The following TSNARE1 variants were observed in gnomAD, a reference collection of about 807,000 sequenced individuals.
The protein encoded by TSNARE1 is t-SNARE domain containing 1.
TSNARE1 carries 49 observed loss-of-function variants against 62.0 expected under a neutral mutation model. The ratio of observed to expected loss-of-function variants is 0.79; its 90% CI spans 0.63 to 1.00. TSNARE1 has a LOEUF of 1.00. TSNARE1 is among the 50% of genes least tolerant of loss of function. The probability of loss-of-function intolerance (pLI) is 0.00; values close to 1 mark genes in which losing one functional copy is unlikely to be tolerated. For missense variants in TSNARE1, 755 were observed against 700.1 expected (o/e 1.08, Z -0.88); for synonymous variants, 328 against 294.4 (o/e 1.11, Z -1.17).
intron 13 of TSNARE1, among the ~76,000 whole-genome samples, chr8:142,228,997 G>A (rs1816963139): frequency 6.6e-6 from 1 of 151,856 alleles, no homozygotes; most frequent in African/African-American, 2.4e-5. Flanking sequence ...GACAGATGGT[G>A]GATAGATGGG....
chr8:142,246,028 G>A (rs73716172), intron 12 of TSNARE1, among the ~76,000 whole-genome samples: 2,149 of 152,218 alleles, frequency 0.014, 48 homozygotes, highest in African/African-American at 0.048. Flanking sequence ...TGCTAATTCC[G>A]CAATTCCAAT....
At chr8:142,318,777 G>A (rs1390942108) in intron 6 of TSNARE1, 143 bp from the exon 7 acceptor site, 14 of 697,488 alleles carry the variant, frequency 2.0e-5, no homozygotes, top group Admixed American at 4.8e-5. Flanking sequence ...AGAGAGGGCC[G>A]AGAGACACAC....
chr8:142,263,192 T>C (rs1354731549), intron 12 of TSNARE1, among the ~76,000 whole-genome samples: 2 of 152,254 alleles, frequency 1.3e-5, no homozygotes, highest in Non-Finnish European at 2.9e-5. Context: ...ATTCTTGCCT[T>C]TCTATTTTGA....
intron 13 of TSNARE1, among the ~76,000 whole-genome samples, chr8:142,222,033 TCATC>T (rs1391023634): frequency 2.0e-5 from 3 of 147,426 alleles, no homozygotes; most frequent in African/African-American, 2.5e-5. Context: ...ATCCACTCAC[TCATC>T]CACTCATCCA....
At chr8:142,295,993 T>C (rs1586624627) in intron 10 of TSNARE1, among the ~76,000 whole-genome samples, 1 of 67,664 alleles carries the variant, frequency 1.5e-5, no homozygotes, top group Non-Finnish European at 2.8e-5. Flanking sequence ...GCCACTGTCA[T>C]GGGAGGGGGG....
chr8:142,212,699 G>A (rs375061740), intron 13 of TSNARE1, among the ~76,000 whole-genome samples: 58 of 151,768 alleles, frequency 3.8e-4, no homozygotes, highest in Non-Finnish European at 7.2e-4. Context: ...CGCACCCACC[G>A]GCCCTCCCTC....
chr8:142,371,686 G>A (rs924369266), intron 1 of TSNARE1, among the ~76,000 whole-genome samples: 4 of 152,072 alleles, frequency 2.6e-5, no homozygotes, highest in African/African-American at 9.7e-5. Flanking sequence ...GGTTCCAGGG[G>A]TGGATACACC....
intron 12 of TSNARE1, among the ~76,000 whole-genome samples, chr8:142,267,633 C>G (rs1819204672): frequency 6.6e-6 from 1 of 152,182 alleles, no homozygotes; most frequent in Non-Finnish European, 1.5e-5. Flanking sequence ...GACCCGGGCT[C>G]TCTAGCTCTG....
chr8:142,226,444 G>C lies in TSNARE1; in HGVS notation c.*11+3029C>G, dbSNP rs115246683. Among the ~76,000 whole-genome samples, 1,425 of 152,288 alleles carry C rather than the reference G, an allele frequency of 9.4e-3. 23 individuals are homozygous for C. The highest frequency in any genetic ancestry group is 0.032 in the African/African-American group (1,321 of 41,560). ...CCCACCTCTCAGCCCACGCTGTCCT[G>C]CTTGCGTCTGCCCCTATTGCTTGTT... On this transcript the variant is annotated intron_variant, in intron 13 of 13. Coordinates refer to ENST00000524325, the MANE Select transcript of TSNARE1 (RefSeq NM_145003.5).
At chr8:142,338,584 G>GCTGACAGGCTGCCTCGACCACTGGGCAAA (rs1832104745) in intron 4 of TSNARE1, among the ~76,000 whole-genome samples, 1 of 151,790 alleles carries the variant, frequency 6.6e-6, no homozygotes, top group East Asian at 1.9e-4. Context: ...CACTGGGCAA[G>GCTGACAGGCTGCCTCGACCACTGGGCAAA]CTGACAGGCT....
chr8:142,215,928 G>A (rs574836530), intron 13 of TSNARE1, among the ~76,000 whole-genome samples: 6 of 152,318 alleles, frequency 3.9e-5, no homozygotes, highest in East Asian at 3.9e-4. Context: ...CATGGAATTC[G>A]GGGTGAGGCC....
At position 142,384,031 on chromosome 8, in the gene TSNARE1, CAT is replaced by C. The variant is rs1039016188; in HGVS notation, c.-40+19071_-40+19072del. On this transcript the variant is annotated intron_variant, in intron 1 of 13. Coordinates refer to ENST00000524325, the MANE Select transcript of TSNARE1 (RefSeq NM_145003.5). Reference sequence around the variant, plus strand: ...GGGTGCAGTGCAGCACCTGCAGAAACATGTTCCCTGAGCATGGCCACTGACCC... The same window carrying C: ...GGGTGCAGTGCAGCACCTGCAGAAACGTTCCCTGAGCATGGCCACTGACCC... Among the ~76,000 whole-genome samples, 29 of 152,294 alleles carry C rather than the reference CAT, an allele frequency of 1.9e-4. No individual in the cohort carries two copies. The East Asian group carries it at 3.1e-3, about 16-fold the overall frequency.
At chr8:142,339,576 A>G (rs1456210714) in intron 4 of TSNARE1, among the ~76,000 whole-genome samples, 1 of 152,222 alleles carries the variant, frequency 6.6e-6, no homozygotes, top group African/African-American at 2.4e-5. Context: ...CACCCCAGGG[A>G]GACAGGGTCA....
At chr8:142,247,306 G>A (rs1817928263) in intron 12 of TSNARE1, among the ~76,000 whole-genome samples, 1 of 152,206 alleles carries the variant, frequency 6.6e-6, no homozygotes, top group South Asian at 2.1e-4. Flanking sequence ...CCCCACCCTG[G>A]TGCGTCTAGA....
chr8:142,255,560 T>TCAC (rs1563780785), intron 12 of TSNARE1, among the ~76,000 whole-genome samples: 3 of 10,694 alleles, frequency 2.8e-4, no homozygotes, highest in African/African-American at 4.2e-4. Flanking sequence ...ACCATCACCA[T>TCAC]CACCACCATC....
intron 12 of TSNARE1, chr8:142,273,104 A>G: frequency 1.0e-6 from 1 of 985,370 alleles, no homozygotes; most frequent in Non-Finnish European, 1.2e-6. Flanking sequence ...GCCAGGACTG[A>G]GCCCACAGGC....
intron 11 of TSNARE1, chr8:142,277,968 CTCTGCCCATAGGACCCTTGGCTGCAAGAA>C (rs1206879902): frequency 4.1e-6 from 4 of 985,456 alleles, no homozygotes; most frequent in African/African-American, 3.5e-5. Context: ...CCAGGTCTGC[CTCTGCCCATAGGACCCTTGGCTGCAAGAA>C]TCTGCCCTTC....
intron 11 of TSNARE1, chr8:142,280,453 G>A (rs1001127412): frequency 7.2e-6 from 3 of 415,174 alleles, no homozygotes; most frequent in Non-Finnish European, 9.7e-6. Context: ...ACCCAGCATA[G>A]GCAGCCTACA....
intron 9 of TSNARE1, among the ~76,000 whole-genome samples, chr8:142,309,220 T>C (rs1365545809): frequency 6.6e-6 from 1 of 152,332 alleles, no homozygotes; most frequent in African/African-American, 2.4e-5. Context: ...ACACTGTCTA[T>C]GAAACACAGT....
Sources: allele counts gnomAD v4.1 joint callset (sites outside exome capture counted in the v4.1 genomes callset), GRCh38; gene constraint gnomAD v4.1.1; transcripts MANE v1.5; gene names NCBI Gene and HGNC (gene_info 2026-07-23, HGNC 2026-07-21).